CNTNAP2: variants seen among roughly 807,000 people sequenced by gnomAD.
CNTNAP2 encodes the protein contactin associated protein 2, also known as contactin-associated protein-like 2.
A neutral mutation model predicts 155.2 loss-of-function variants in CNTNAP2; 98 were observed. The ratio of observed to expected loss-of-function variants is 0.63; its 90% CI spans 0.54 to 0.75. The LOEUF (loss-of-function observed/expected upper bound fraction) is 0.75, where lower values mean the gene tolerates loss of function less well. Among genes scored for constraint, CNTNAP2 ranks in the 30% least tolerant of loss-of-function variants. The pLI, the probability that CNTNAP2 is intolerant of heterozygous loss-of-function variation, is 0.00. For missense variants in CNTNAP2, 1,727 were observed against 1,688.1 expected (o/e 1.02, Z -0.40); for synonymous variants, 651 against 631.2 (o/e 1.03, Z -0.47).
At chr7:148,067,459 A>G (rs574073443) in intron 15 of CNTNAP2, among the ~76,000 whole-genome samples, 51 of 152,330 alleles carry the variant, frequency 3.3e-4, no homozygotes, top group Middle Eastern at 3.4e-3. Flanking sequence ...ATCTGTCTTC[A>G]GGTCTCTCAG....
chr7:147,300,039 G>A (rs1257905654), intron 8 of CNTNAP2, 102 bp from the exon 9 acceptor site: 1 of 1,313,420 alleles, frequency 7.6e-7, no homozygotes, highest in Non-Finnish European at 1.1e-6. Flanking sequence ...TTTTCCAAGA[G>A]AAAAATACTT....
chr7:146,749,016 G>A (rs1161876491), intron 1 of CNTNAP2, among the ~76,000 whole-genome samples: 1 of 152,118 alleles, frequency 6.6e-6, no homozygotes, highest in Non-Finnish European at 1.5e-5. Context: ...TTATTGTGTA[G>A]CGAGGGCATA....
chr7:146,990,262 G>T lies in CNTNAP2; in HGVS notation c.403-53645G>T, dbSNP rs776019231. Among the ~76,000 whole-genome samples the T allele has an allele frequency of 2.6e-5, 4 of 152,092 alleles. No individual in the cohort carries two copies. The East Asian group carries it at 5.8e-4, about 22-fold the overall frequency. The stretch of plus-strand genomic sequence containing the variant: ...GTCTCAATCATTCAATGAATGAGTT[G>T]CTAGGACACTTAGTTCAATTAGCTA... On this transcript the variant is annotated intron_variant, in intron 3 of 23. Coordinates refer to ENST00000361727, the MANE Select transcript of CNTNAP2 (RefSeq NM_014141.6).
chr7:146,478,293 G>T (rs1235870990), intron 1 of CNTNAP2, among the ~76,000 whole-genome samples: 1 of 152,000 alleles, frequency 6.6e-6, no homozygotes, highest in Non-Finnish European at 1.5e-5. Flanking sequence ...AAGTAGAAGG[G>T]AATAGTGAGA....
At chr7:147,591,443 T>C (rs1418598180) in intron 12 of CNTNAP2, among the ~76,000 whole-genome samples, 2 of 152,178 alleles carry the variant, frequency 1.3e-5, no homozygotes, top group African/African-American at 4.8e-5. Context: ...TTATGTCCTC[T>C]TTAAAGGTCC....
intron 1 of CNTNAP2, among the ~76,000 whole-genome samples, chr7:146,247,968 T>C (rs898746870): frequency 6.8e-6 from 1 of 146,038 alleles, no homozygotes; most frequent in African/African-American, 2.6e-5. Flanking sequence ...AAATAAGGGA[T>C]CGGGGTGCAG....
chr7:148,147,900 C>T (rs985049432), intron 17 of CNTNAP2, among the ~76,000 whole-genome samples, 191 bp downstream of exon 17: 1 of 152,162 alleles, frequency 6.6e-6, no homozygotes, highest in Non-Finnish European at 1.5e-5. Flanking sequence ...ACCTAGATCT[C>T]GTTCCACTTC....
At chr7:148,055,703 C>T (rs543304219) in intron 15 of CNTNAP2, among the ~76,000 whole-genome samples, 1 of 152,226 alleles carries the variant, frequency 6.6e-6, no homozygotes, top group Non-Finnish European at 1.5e-5. Flanking sequence ...CACAAAAAGA[C>T]TGTTTCAGCT....
intron 8 of CNTNAP2, among the ~76,000 whole-genome samples, chr7:147,201,143 G>C (rs982329871): frequency 2.0e-5 from 3 of 152,166 alleles, no homozygotes; most frequent in African/African-American, 7.2e-5. Context: ...GGGTCAGAGA[G>C]AGGCCTTTTC....
intron 8 of CNTNAP2, among the ~76,000 whole-genome samples, chr7:147,288,741 T>C (rs67276186): frequency 0.034 from 5,230 of 152,322 alleles, 123 homozygotes; most frequent in Non-Finnish European, 0.052. Context: ...TCCAAGTTTT[T>C]TCCAATAAAT....
intron 8 of CNTNAP2, among the ~76,000 whole-genome samples, chr7:147,282,347 A>C (rs1388975871): frequency 6.6e-6 from 1 of 151,960 alleles, no homozygotes; most frequent in Non-Finnish European, 1.5e-5. Flanking sequence ...CAGCTACCAA[A>C]GAACTTAGCT....
intron 21 of CNTNAP2, among the ~76,000 whole-genome samples, chr7:148,331,801 A>AGTGGATGG (rs1183842019): frequency 1.1e-4 from 16 of 151,450 alleles, no homozygotes; most frequent in Non-Finnish European, 1.8e-4. Flanking sequence ...GGATGGATAG[A>AGTGGATGG]ATGGCCTCCT....
rs1031214845 is a variant in CNTNAP2, at chr7:148,201,865, C to G, written c.3011-15423C>G. 2.0e-5 allele frequency among the ~76,000 whole-genome samples: 3 copies of G among 151,946 alleles called. No individual in the cohort carries two copies. The South Asian group carries it at 6.2e-4, about 32-fold the overall frequency. Reference sequence around the variant, plus strand: ...AAGTGATTACTTTAAAACTTTCACACACTATGGAACAAAAGAAATGGCAAT... The same window carrying G: ...AAGTGATTACTTTAAAACTTTCACAGACTATGGAACAAAAGAAATGGCAAT... On this transcript the variant is annotated intron_variant, in intron 18 of 23. Transcript: ENST00000361727.
chr7:146,271,341 CA>C (rs1800079511), intron 1 of CNTNAP2, among the ~76,000 whole-genome samples: 1 of 151,896 alleles, frequency 6.6e-6, no homozygotes, highest in Non-Finnish European at 1.5e-5. Flanking sequence ...ACAGAATCAC[CA>C]TAGGATTATT....
In CNTNAP2 at chr7:146,410,280, C is replaced by A. The variant is rs190094469; in HGVS notation, c.97+293307C>A. Among the ~76,000 whole-genome samples the A allele has an allele frequency of 1.7e-4, 26 of 152,102 alleles. No homozygotes were observed. The East Asian group carries it at 4.8e-3, about 28-fold the overall frequency. ...AACCCAGCCATACCCAATTGTGTAC[C>A]CTTGTCTCTGGCTGCTTTCATGCTA... is the stretch of plus-strand genomic sequence containing the variant. On this transcript the variant is annotated intron_variant, in intron 1 of 23. Transcript: ENST00000361727.
At chr7:147,864,719 G>A (rs1799197811) in intron 13 of CNTNAP2, among the ~76,000 whole-genome samples, 1 of 151,986 alleles carries the variant, frequency 6.6e-6, no homozygotes, top group Admixed American at 6.6e-5. Flanking sequence ...TCATGATTTG[G>A]CTCTCTGTTT....
At chr7:146,247,624 C>T (rs545709231) in intron 1 of CNTNAP2, among the ~76,000 whole-genome samples, 25 of 152,172 alleles carry the variant, frequency 1.6e-4, no homozygotes, top group South Asian at 4.2e-4. Flanking sequence ...GCCCATTTTA[C>T]GACAATAATT....
chr7:147,156,981 A>C (rs754778145), intron 8 of CNTNAP2, among the ~76,000 whole-genome samples: 33 of 152,248 alleles, frequency 2.2e-4, no homozygotes, highest in Non-Finnish European at 4.1e-4. Context: ...TTTCTGCTTC[A>C]TTAAAAATCC....
intron 1 of CNTNAP2, among the ~76,000 whole-genome samples, chr7:146,617,785 AAGTC>A (rs1799251150): frequency 1.3e-5 from 2 of 152,178 alleles, no homozygotes; most frequent in Admixed American, 6.5e-5. Context: ...TATCTCATAA[AAGTC>A]AAGTCTGAAA....
Sources: allele counts gnomAD v4.1 joint callset (sites outside exome capture counted in the v4.1 genomes callset), GRCh38; gene constraint gnomAD v4.1.1; transcripts MANE v1.5; gene names NCBI Gene and HGNC (gene_info 2026-07-23, HGNC 2026-07-21).